CAPN8: variants seen among roughly 807,000 people sequenced by gnomAD.
CAPN8 encodes calpain 8, also known as calpain-8.
In CAPN8, 87 loss-of-function variants were observed where a neutral mutation model predicts 80.9. The observed-to-expected ratio is 1.07, with a 90% CI of 0.90 to 1.28. The LOEUF (loss-of-function observed/expected upper bound fraction) is 1.28. Among genes scored for constraint, CAPN8 ranks in the 50% most tolerant of loss-of-function variants. The pLI, the probability that CAPN8 is intolerant of heterozygous loss-of-function variation, is 0.00. For missense variants in CAPN8, 757 were observed against 702.0 expected, an observed-to-expected ratio of 1.08 and a Z score of -0.89; for synonymous variants, 299 against 273.8, an observed-to-expected ratio of 1.09 and a Z score of -0.91.
chr1:223,656,749 T>C (rs1658505102), intron 1 of CAPN8, among the ~76,000 whole-genome samples: 1 of 145,858 alleles, frequency 6.9e-6, no homozygotes, highest in African/African-American at 2.5e-5. Flanking sequence ...AGTGGCGCGA[T>C]CTCGGCTCAC....
At chr1:223,654,017 AAC>A (rs1267151479) in intron 2 of CAPN8, among the ~76,000 whole-genome samples, 1 of 152,222 alleles carries the variant, frequency 6.6e-6, no homozygotes, top group Non-Finnish European at 1.5e-5. Flanking sequence ...CTACAACAAA[AAC>A]ACAGTATAGC....
chr1:223,655,313 G>A (rs903518684), intron 1 of CAPN8, among the ~76,000 whole-genome samples: 7 of 152,146 alleles, frequency 4.6e-5, no homozygotes, highest in Non-Finnish European at 1.5e-5. Flanking sequence ...TATCTGACCT[G>A]CACTTCCTCC....
At chr1:223,651,953 C>T (rs977161082) in intron 2 of CAPN8, among the ~76,000 whole-genome samples, 5 of 152,202 alleles carry the variant, frequency 3.3e-5, no homozygotes, top group African/African-American at 9.6e-5. Context: ...TTTCGCATGG[C>T]TGCAAGGCAG....
At chr1:223,625,318 A>T (rs1657535375) in intron 6 of CAPN8, among the ~76,000 whole-genome samples, 1 of 152,192 alleles carries the variant, frequency 6.6e-6, no homozygotes, top group African/African-American at 2.4e-5. Flanking sequence ...GACAATCTCT[A>T]CAGCTTTCCT....
At chr1:223,547,988 C>A (rs969422479) in intron 16 of CAPN8, among the ~76,000 whole-genome samples, 3 of 152,120 alleles carry the variant, frequency 2.0e-5, no homozygotes, top group Non-Finnish European at 2.9e-5. Flanking sequence ...AGGGAGTGGC[C>A]GACTGAAGCT....
At chr1:223,650,632 A>T (rs907013250) in intron 2 of CAPN8, among the ~76,000 whole-genome samples, 6 of 152,180 alleles carry the variant, frequency 3.9e-5, no homozygotes, top group African/African-American at 1.4e-4. Flanking sequence ...ATGGGCAGAG[A>T]GTGTGCCAGG....
intron 7 of CAPN8, 65 bp downstream of exon 7, chr1:223,622,750 G>A (rs2102708191): frequency 8.2e-7 from 1 of 1,226,984 alleles, no homozygotes; most frequent in Non-Finnish European, 1.2e-6. Flanking sequence ...TCATTGTTGT[G>A]TGTTTTACAC....
intron 2 of CAPN8, among the ~76,000 whole-genome samples, chr1:223,632,365 T>C (rs1031298926): frequency 1.3e-5 from 2 of 150,806 alleles, no homozygotes; most frequent in South Asian, 2.1e-4. Context: ...TCTTGGAGCA[T>C]AGGTTTTGTT....
chr1:223,615,432 C>T (rs569388744), intron 10 of CAPN8, among the ~76,000 whole-genome samples: 6 of 152,326 alleles, frequency 3.9e-5, no homozygotes, highest in African/African-American at 1.2e-4. Flanking sequence ...GGGACTGCAG[C>T]GTGAGCCCAG....
At chr1:223,620,405 G>T in intron 7 of CAPN8, 139 bp from the exon 8 acceptor site, 1 of 727,282 alleles carries the variant, frequency 1.4e-6, no homozygotes. Flanking sequence ...AGGCAGAATG[G>T]ACAGTGTGGC....
At chr1:223,619,269 G>A (rs1038953936) in intron 9 of CAPN8, 24 bp downstream of exon 9, 1 of 1,550,944 alleles carries the variant, frequency 6.4e-7, no homozygotes, top group Non-Finnish European at 8.7e-7. Context: ...GAGGAGGTTG[G>A]GCCAAGGCAG....
rs947495687 is a variant in CAPN8, at chr1:223,650,559, G to A, written c.307+3771C>T. On this transcript the variant is annotated intron_variant, in intron 2 of 20. Coordinates refer to ENST00000366872, the MANE Select transcript of CAPN8 (RefSeq NM_001143962.2). ...TCATTAGTCGTCCTGTTTCCTGCCA[G>A]ATGGATCCTGTCTGCCATGGAAGAG... Among the ~76,000 whole-genome samples, 3 of 152,206 alleles carry A rather than the reference G, an allele frequency of 2.0e-5. No homozygotes were observed. The East Asian group carries it at 5.8e-4, about 29-fold the overall frequency.
chr1:223,557,917 C>T lies in CAPN8; in HGVS notation c.1572+214G>A, dbSNP rs919757285. ...ACATGGAAGACGATGGCTAAGACCT[C>T]CCCCAGGGGGTAGGGATATATTACA... On this transcript the variant is annotated intron_variant, in intron 13 of 20. Coordinates refer to ENST00000366872, the MANE Select transcript of CAPN8 (RefSeq NM_001143962.2). Among the ~76,000 whole-genome samples, 5 of 152,322 alleles carry T rather than the reference C, an allele frequency of 3.3e-5. No homozygotes were observed. In the East Asian group the frequency reaches 9.7e-4, roughly 29 times the overall value.
chr1:223,547,511 A>C (rs1167073254), intron 16 of CAPN8, among the ~76,000 whole-genome samples: 1 of 152,224 alleles, frequency 6.6e-6, no homozygotes, highest in East Asian at 1.9e-4. Flanking sequence ...GTTTCTTTTT[A>C]GGGTGATGAC....
chr1:223,618,284 A>G (rs1171144457), intron 9 of CAPN8: 1 of 1,550,566 alleles, frequency 6.4e-7, no homozygotes, highest in Non-Finnish European at 8.7e-7. Context: ...GGAGGAGCCT[A>G]CACAGGGACA....
chr1:223,643,763 G>A (rs1658108076), intron 2 of CAPN8, among the ~76,000 whole-genome samples: 1 of 152,178 alleles, frequency 6.6e-6, no homozygotes, highest in Admixed American at 6.6e-5. Flanking sequence ...CACATCACAG[G>A]TGAAAGCCGA....
intron 7 of CAPN8, among the ~76,000 whole-genome samples, chr1:223,620,967 TAA>T (rs66669646): frequency 6.8e-6 from 1 of 147,066 alleles, no homozygotes. Context: ...GATCCATCTT[TAA>T]AAAAAAAAAA....
intron 2 of CAPN8, among the ~76,000 whole-genome samples, chr1:223,647,363 C>T (rs570514044): frequency 6.6e-6 from 1 of 152,284 alleles, no homozygotes; most frequent in African/African-American, 2.4e-5. Flanking sequence ...CTTGCTTTAT[C>T]CTATGTAAAA....
At chr1:223,633,549 CTA>C (rs1657833354) in intron 2 of CAPN8, among the ~76,000 whole-genome samples, 1 of 152,100 alleles carries the variant, frequency 6.6e-6, no homozygotes, top group African/African-American at 2.4e-5. Flanking sequence ...GTAGTACCAG[CTA>C]CTCAGGAGGC....
Sources: gnomAD v4.1 joint callset for allele counts (sites outside exome capture counted in the v4.1 genomes callset) on GRCh38, gnomAD v4.1.1 for gene constraint, MANE v1.5 for transcripts, NCBI Gene and HGNC (gene_info 2026-07-23, HGNC 2026-07-21) for gene names.